TMEM178B: variants seen among roughly 807,000 people sequenced by gnomAD.
The protein encoded by TMEM178B is transmembrane protein 178B.
A neutral mutation model predicts 31.0 loss-of-function variants in TMEM178B; 5 were observed. The ratio of observed to expected loss-of-function variants is 0.16; its 90% CI spans 0.08 to 0.34. The LOEUF (loss-of-function observed/expected upper bound fraction) is 0.34, where lower values mean the gene tolerates loss of function less well. Among genes scored for constraint, TMEM178B ranks in the 10% least tolerant of loss-of-function variants. TMEM178B has a pLI of 1.00. For synonymous variants in TMEM178B, 164 were observed against 164.0 expected (o/e 1.00, Z 0.00); for missense variants, 275 against 400.3 (o/e 0.69, Z 2.67).
intron 2 of TMEM178B, among the ~76,000 whole-genome samples, chr7:141,265,932 G>T (rs1798088429): frequency 6.6e-6 from 1 of 152,186 alleles, no homozygotes; most frequent in Non-Finnish European, 1.5e-5. Flanking sequence ...CTCTTTACTA[G>T]TTGGGCTGGA....
intron 2 of TMEM178B, among the ~76,000 whole-genome samples, chr7:141,292,634 C>CTT (rs34248650): frequency 0.36 from 37,670 of 105,990 alleles, 7,783 homozygotes; most frequent in Non-Finnish European, 0.43. Flanking sequence ...GCTTTTAGAT[C>CTT]TTTTTTTTTT....
At chr7:141,415,024 C>CAAGCAGGGCATG (rs1201758644) in intron 2 of TMEM178B, 1 of 152,210 alleles carries the variant, frequency 6.6e-6, no homozygotes, top group Non-Finnish European at 1.5e-5. Context: ...AGGCTGCGGA[C>CAAGCAGGGCATG]AAGCAGGGCA....
intron 2 of TMEM178B, among the ~76,000 whole-genome samples, chr7:141,278,724 A>G (rs1188301044): frequency 6.6e-6 from 1 of 152,218 alleles, no homozygotes; most frequent in African/African-American, 2.4e-5. Context: ...CTGCTTGAAT[A>G]TATATGTGCA....
chr7:141,240,691 A>C (rs886428531), intron 2 of TMEM178B, among the ~76,000 whole-genome samples: 1 of 152,240 alleles, frequency 6.6e-6, no homozygotes, highest in African/African-American at 2.4e-5. Flanking sequence ...GGCAAACACC[A>C]GGATGGATTT....
At chr7:141,329,057 G>A (rs1225558464) in intron 2 of TMEM178B, among the ~76,000 whole-genome samples, 2 of 152,104 alleles carry the variant, frequency 1.3e-5, no homozygotes, top group African/African-American at 4.8e-5. Context: ...GCCCTTAGGT[G>A]TTCTTGGAAT....
At chr7:141,375,737 TG>T (rs1242606558) in intron 2 of TMEM178B, among the ~76,000 whole-genome samples, 1 of 152,228 alleles carries the variant, frequency 6.6e-6, no homozygotes, top group Non-Finnish European at 1.5e-5. Context: ...GAATTGGTCA[TG>T]TTGTGGGTCT....
intron 3 of TMEM178B, among the ~76,000 whole-genome samples, chr7:141,442,633 G>C (rs191675439): frequency 9.5e-4 from 145 of 152,286 alleles, no homozygotes; most frequent in Non-Finnish European, 1.7e-3. Context: ...TGATCTGACT[G>C]CTTTGCACAT....
chr7:141,228,888 G>A (rs563798462), intron 2 of TMEM178B, among the ~76,000 whole-genome samples: 1 of 152,256 alleles, frequency 6.6e-6, no homozygotes, highest in Non-Finnish European at 1.5e-5. Flanking sequence ...CTGAGTGAAA[G>A]GTAAGTGCTG....
chr7:141,139,591 C>T (rs1038325160), intron 1 of TMEM178B, among the ~76,000 whole-genome samples: 7 of 152,124 alleles, frequency 4.6e-5, no homozygotes, highest in Admixed American at 4.6e-4. Flanking sequence ...GATCGTCTGC[C>T]TTGGCCTCCC....
intron 1 of TMEM178B, among the ~76,000 whole-genome samples, chr7:141,107,096 G>C (rs1382535849): frequency 3.3e-5 from 5 of 152,208 alleles, no homozygotes; most frequent in African/African-American, 1.2e-4. Context: ...TATTTTTCTG[G>C]AGTAGGAGGG....
chr7:141,378,560 C>T (rs1347021030), intron 2 of TMEM178B, among the ~76,000 whole-genome samples: 4 of 152,110 alleles, frequency 2.6e-5, no homozygotes, highest in Non-Finnish European at 1.5e-5. Flanking sequence ...GTGGCATTGC[C>T]GGAGATGGTA....
At chr7:141,330,485 A>G (rs1586895608) in intron 2 of TMEM178B, among the ~76,000 whole-genome samples, 1 of 152,180 alleles carries the variant, frequency 6.6e-6, no homozygotes, top group Non-Finnish European at 1.5e-5. Context: ...ATAGTATTCC[A>G]TGGTGTATAT....
chr7:141,157,618 G>A (rs899241039), intron 1 of TMEM178B, among the ~76,000 whole-genome samples: 1 of 152,122 alleles, frequency 6.6e-6, no homozygotes, highest in African/African-American at 2.4e-5. Context: ...AGGTCCTGTC[G>A]CTGGCAGTCT....
At chr7:141,125,403 C>CTGGATGTGGTGG (rs1795474646) in intron 1 of TMEM178B, among the ~76,000 whole-genome samples, 1 of 152,046 alleles carries the variant, frequency 6.6e-6, no homozygotes. Context: ...AAGCCCGGCG[C>CTGGATGTGGTGG]CGGATGTGGT....
chr7:141,236,000 G>A (rs1025233018), intron 2 of TMEM178B, among the ~76,000 whole-genome samples: 12 of 152,220 alleles, frequency 7.9e-5, no homozygotes, highest in African/African-American at 2.7e-4. Context: ...AGCAAACAGA[G>A]GAGTGTAACA....
At chr7:141,252,015 G>A (rs1333316357) in intron 2 of TMEM178B, among the ~76,000 whole-genome samples, 3 of 152,170 alleles carry the variant, frequency 2.0e-5, no homozygotes, top group Admixed American at 2.0e-4. Flanking sequence ...GGCTTAAAAA[G>A]TTGCAATTCT....
intron 2 of TMEM178B, among the ~76,000 whole-genome samples, chr7:141,216,650 G>A (rs1797157441): frequency 6.6e-6 from 1 of 152,056 alleles, no homozygotes; most frequent in Admixed American, 6.5e-5. Context: ...GGCTTTTTAG[G>A]TGATTGCTGG....
At chr7:141,387,563 CT>C (rs1481814740) in intron 2 of TMEM178B, among the ~76,000 whole-genome samples, 1 of 152,148 alleles carries the variant, frequency 6.6e-6, no homozygotes, top group Non-Finnish European at 1.5e-5. Context: ...TCATTCCTGT[CT>C]TTTTAAATGC....
chr7:141,203,493 C>T (rs369773481), intron 1 of TMEM178B, among the ~76,000 whole-genome samples: 67 of 152,336 alleles, frequency 4.4e-4, no homozygotes, highest in African/African-American at 1.5e-3. Flanking sequence ...TCCCTTCCTC[C>T]CTTTCTTTCT....
Sources: allele counts gnomAD v4.1 joint callset (sites outside exome capture counted in the v4.1 genomes callset), GRCh38; gene constraint gnomAD v4.1.1; transcripts MANE v1.5; gene names NCBI Gene and HGNC (gene_info 2026-07-23, HGNC 2026-07-21).